The following SPON1 variants were observed in gnomAD, a reference collection of about 807,000 sequenced individuals.
The protein encoded by SPON1 is spondin-1.
Under a neutral mutation model 111.7 loss-of-function variants are expected in SPON1, and 52 were observed. The observed-to-expected ratio is 0.47, with a 90% CI of 0.37 to 0.59. The LOEUF (loss-of-function observed/expected upper bound fraction) is 0.59, where lower values mean the gene tolerates loss of function less well. Ranked by LOEUF, SPON1 falls within the 20% of genes least tolerant of loss-of-function variation. The pLI is 0.00. For synonymous variants in SPON1, 410 were observed against 395.8 expected (o/e 1.04, Z -0.43); for missense variants, 957 against 1,068.5 (o/e 0.90, Z 1.46).
chr11:13,990,373 C>CTTTTGTTTTT (rs1848218976), intron 2 of SPON1, among the ~76,000 whole-genome samples: 1 of 21,670 alleles, frequency 4.6e-5, no homozygotes. Context: ...GCAACTCCTG[C>CTTTTGTTTTT]TTTTTTTTTT....
intron 6 of SPON1, among the ~76,000 whole-genome samples, chr11:14,153,974 C>T (rs1847813956): frequency 6.6e-6 from 1 of 152,214 alleles, no homozygotes; most frequent in Non-Finnish European, 1.5e-5. Context: ...TCCTTAGACT[C>T]CATGTCTCAC....
intron 5 of SPON1, among the ~76,000 whole-genome samples, chr11:14,098,217 C>T (rs889847426): frequency 6.6e-6 from 1 of 152,178 alleles, no homozygotes; most frequent in Non-Finnish European, 1.5e-5. Context: ...AGGATGGTCT[C>T]GATCTCCTAA....
intron 3 of SPON1, among the ~76,000 whole-genome samples, chr11:14,065,863 G>C (rs190519145): frequency 6.6e-6 from 1 of 152,300 alleles, no homozygotes; most frequent in East Asian, 1.9e-4. Context: ...CTCCAGGTTT[G>C]ATAAGCCTTG....
At chr11:14,216,324 C>A (rs1329396786) in intron 6 of SPON1, among the ~76,000 whole-genome samples, 3 of 152,124 alleles carry the variant, frequency 2.0e-5, no homozygotes, top group East Asian at 1.9e-4. Context: ...TCATAGGGTG[C>A]TCTGAACAGA....
intron 5 of SPON1, among the ~76,000 whole-genome samples, chr11:14,129,510 A>G (rs1191197479): frequency 3.9e-5 from 6 of 152,186 alleles, no homozygotes; most frequent in African/African-American, 1.2e-4. Context: ...CCTGGACTTC[A>G]TTGTCCATAT....
chr11:14,186,492 G>C (rs1255446928), intron 6 of SPON1, among the ~76,000 whole-genome samples: 1 of 152,194 alleles, frequency 6.6e-6, no homozygotes, highest in Non-Finnish European at 1.5e-5. Flanking sequence ...GGGAGTGGGG[G>C]AGATGCATTT....
intron 6 of SPON1, among the ~76,000 whole-genome samples, chr11:14,156,329 G>T (rs10766155): frequency 0.24 from 24,169 of 102,094 alleles, 3,578 homozygotes; most frequent in East Asian, 0.38. Flanking sequence ...TCGCCCACTT[G>T]TTGATGGGGT....
chr11:13,966,795 T>C (rs1848021087), intron 1 of SPON1, among the ~76,000 whole-genome samples: 1 of 152,174 alleles, frequency 6.6e-6, no homozygotes. Context: ...CACTGTGTGA[T>C]CTCAGGAAGC....
Position 14,228,376 on chromosome 11 carries a change from A to G in SPON1, c.826-14956A>G, listed in dbSNP as rs975030321. Among the ~76,000 whole-genome samples the G allele has an allele frequency of 6.6e-6, 1 of 152,234 alleles. No homozygotes were observed. Among genetic ancestry groups the G allele is most frequent in the Non-Finnish European group, 1.5e-5 (1 of 68,036 alleles). ...TGGGTTCTCTGGGAAGGAGACCTGC[A>G]TCAAGATTAGAGTGCAGGAAGTTAC... On this transcript the variant is annotated intron_variant, in intron 6 of 15. Transcript: ENST00000576479. This position sits in a 1 kb window ranked among gnomAD's most constrained non-coding sequence, Gnocchi z 4.2.
chr11:13,967,814 C>A (rs182900716), intron 1 of SPON1, among the ~76,000 whole-genome samples: 3 of 151,950 alleles, frequency 2.0e-5, no homozygotes, highest in African/African-American at 7.2e-5. Context: ...CTATTTCTAA[C>A]CATTACTTAA....
At chr11:13,983,066 C>T (rs532098425) in intron 2 of SPON1, 113 bp downstream of exon 2, 57 of 666,712 alleles carry the variant, frequency 8.5e-5, no homozygotes, top group South Asian at 7.2e-4. Context: ...CGTTGGCCAA[C>T]GGGGGCAGGT....
At chr11:14,139,436 T>G (rs183880707) in intron 6 of SPON1, among the ~76,000 whole-genome samples, 1 of 152,238 alleles carries the variant, frequency 6.6e-6, no homozygotes, top group Non-Finnish European at 1.5e-5. Context: ...TTGATGTCTC[T>G]CCCTCACTAA....
At chr11:14,132,702 C>CTTTCTAA (rs1804380237) in intron 5 of SPON1, among the ~76,000 whole-genome samples, 2 of 152,160 alleles carry the variant, frequency 1.3e-5, no homozygotes, top group South Asian at 4.1e-4. Context: ...ATCTGGGTCC[C>CTTTCTAA]TCCCCTAATC....
In SPON1 at chr11:14,135,568, G is replaced by C. The variant is rs565430994; in HGVS notation, c.825G>C (p.Gln275His). Residue 275 changes from glutamine (Q) to histidine (H), a missense_variant and splice_region_variant, in exon 6 of 16, where the codon CAG becomes CAC. Gln to His is a conservative substitution (Grantham distance 24, BLOSUM62 0). Transcript: ENST00000576479. The surrounding 1 kb of genome is among the most constrained non-coding windows in gnomAD (Gnocchi z 4.4). ...AAATGGAGGAAGAAATTCGACAACA[G>C]GTAAGACAAAAAAATCACAGAATGA... ...PVKMEEEIRQQSDEVLTVIKA... is the reference protein window; with the variant it reads ...PVKMEEEIRQHSDEVLTVIKA... 3.1e-6 allele frequency: 5 copies of C among 1,611,958 alleles called. No homozygotes were observed. Among genetic ancestry groups the C allele is most frequent in the Admixed American group, 1.7e-5 (1 of 59,704 alleles).
chr11:13,984,278 A>C (rs1848165545), intron 2 of SPON1, among the ~76,000 whole-genome samples: 1 of 152,190 alleles, frequency 6.6e-6, no homozygotes, highest in Non-Finnish European at 1.5e-5. Flanking sequence ...GAAACTAGAG[A>C]GATTAAATCA....
chr11:14,022,780 A>G lies in SPON1; in HGVS notation c.346-18741A>G, dbSNP rs369772576. On this transcript the variant is annotated intron_variant, in intron 2 of 15. Coordinates refer to ENST00000576479, the MANE Select transcript of SPON1 (RefSeq NM_006108.4). Reference sequence around the variant, plus strand: ...ACCTTTTCATAGGGAAGAGAAGGCAATGTTTTGGGTTCTTTACCCACATTT... The same window carrying G: ...ACCTTTTCATAGGGAAGAGAAGGCAGTGTTTTGGGTTCTTTACCCACATTT... 3.9e-5 allele frequency among the ~76,000 whole-genome samples: 6 copies of G among 152,344 alleles called. No individual in the cohort carries two copies. The South Asian group carries it at 8.3e-4, about 21-fold the overall frequency.
chr11:14,010,766 T>C (rs1410455347), intron 2 of SPON1, among the ~76,000 whole-genome samples: 5 of 152,214 alleles, frequency 3.3e-5, no homozygotes, highest in African/African-American at 9.7e-5. Context: ...CAATATTAAG[T>C]TGGACTCATA....
At chr11:14,031,785 A>G (rs2618521) in intron 2 of SPON1, among the ~76,000 whole-genome samples, 100,403 of 151,940 alleles carry the variant, frequency 0.66, 33,482 homozygotes, top group African/African-American at 0.74. Context: ...ATAAAAGACA[A>G]AAGCAACTGT....
intron 4 of SPON1, among the ~76,000 whole-genome samples, 155 bp downstream of exon 4, chr11:14,075,573 T>C (rs1414912105): frequency 6.6e-6 from 1 of 152,172 alleles, no homozygotes; most frequent in Non-Finnish European, 1.5e-5. Flanking sequence ...TCTGGCTGTG[T>C]GCTGTGGGTA....
Sources: gnomAD v4.1 joint callset for allele counts (sites outside exome capture counted in the v4.1 genomes callset) on GRCh38, gnomAD v4.1.1 for gene constraint, Gnocchi (gnomAD v3.1) non-coding constraint, MANE v1.5 for transcripts, NCBI Gene and HGNC (gene_info 2026-07-23, HGNC 2026-07-21) for gene names.